FILIP1L: variants seen among roughly 807,000 people sequenced by gnomAD.
The protein encoded by FILIP1L is filamin A-interacting protein 1-like.
A neutral mutation model predicts 96.6 loss-of-function variants in FILIP1L; 55 were observed. The ratio of observed to expected loss-of-function variants is 0.57; its 90% CI spans 0.46 to 0.71. The LOEUF is 0.71. Ranked by LOEUF, FILIP1L falls within the 30% of genes least tolerant of loss-of-function variation. The pLI, the probability that FILIP1L is intolerant of heterozygous loss-of-function variation, is 0.00. For missense variants in FILIP1L, 1,304 were observed against 1,321.2 expected, an observed-to-expected ratio of 0.99 and a Z score of 0.20; for synonymous variants, 467 against 473.9, an observed-to-expected ratio of 0.99 and a Z score of 0.19.
chr3:100,037,274 G>A (rs2065123593), intron 1 of FILIP1L, among the ~76,000 whole-genome samples: 1 of 152,178 alleles, frequency 6.6e-6, no homozygotes, highest in Admixed American at 6.5e-5. Context: ...AACTTACTCA[G>A]ATGGTTTAGA....
At chr3:100,068,784 T>C (rs1187611087) in intron 1 of FILIP1L, among the ~76,000 whole-genome samples, 1 of 152,170 alleles carries the variant, frequency 6.6e-6, no homozygotes, top group Non-Finnish European at 1.5e-5. Context: ...CCCACCACCA[T>C]GCCCAGCTAA....
intron 1 of FILIP1L, among the ~76,000 whole-genome samples, chr3:99,985,075 A>G (rs1709291628): frequency 6.6e-6 from 1 of 152,234 alleles, no homozygotes; most frequent in African/African-American, 2.4e-5. Flanking sequence ...GAAGTTGCAT[A>G]TTCTGCTTAT....
intron 1 of FILIP1L, among the ~76,000 whole-genome samples, chr3:99,996,816 A>C (rs896490917): frequency 1.3e-5 from 2 of 152,050 alleles, no homozygotes; most frequent in East Asian, 1.9e-4. Flanking sequence ...ATTATCTCCC[A>C]CCGAGTCCCT....
Position 99,924,300 on chromosome 3 carries a change from T to G in FILIP1L, c.535A>C (p.Lys179Gln), listed in dbSNP as rs1707218416. 1.2e-6 allele frequency: 2 copies of G among 1,614,102 alleles called. No individual in the cohort carries two copies. The highest frequency in any genetic ancestry group is 1.7e-6 in the Non-Finnish European group (2 of 1,179,984). Residue 179 changes from lysine to glutamine, a missense_variant, in exon 4 of 6, where the codon AAG (lysine) becomes CAG (glutamine). Transcript: ENST00000477258. ...RQTILELEEE[K>Q]RKHKEYMEKS... ...TCCATGTATTCTTTATGTTTTCTCT[T>G]TTCTTCCTCCAACTCCAATATGGTT...
intron 1 of FILIP1L, among the ~76,000 whole-genome samples, chr3:99,986,332 C>T (rs2107114196): frequency 6.6e-6 from 1 of 152,230 alleles, no homozygotes; most frequent in South Asian, 2.1e-4. Flanking sequence ...ACTCCATTGC[C>T]ATAAAGACAT....
intron 3 of FILIP1L, among the ~76,000 whole-genome samples, chr3:99,926,935 G>C (rs1707310689): frequency 6.6e-6 from 1 of 152,140 alleles, no homozygotes; most frequent in South Asian, 2.1e-4. Flanking sequence ...CCTCCTTGCA[G>C]TCTGTCCTCA....
chr3:99,864,038 T>G (rs1283765665), intron 4 of FILIP1L, among the ~76,000 whole-genome samples: 1 of 152,218 alleles, frequency 6.6e-6, no homozygotes, highest in Non-Finnish European at 1.5e-5. Flanking sequence ...GCTAAAGAAA[T>G]TAAACTTTGT....
intron 1 of FILIP1L, among the ~76,000 whole-genome samples, chr3:100,085,692 C>T (rs1215992345): frequency 2.0e-5 from 3 of 152,158 alleles, no homozygotes; most frequent in Non-Finnish European, 4.4e-5. Flanking sequence ...TTCTGAAGTA[C>T]TCTTCAGCCA....
At chr3:100,037,201 G>A (rs2065122323) in intron 1 of FILIP1L, among the ~76,000 whole-genome samples, 1 of 151,884 alleles carries the variant, frequency 6.6e-6, no homozygotes, top group Admixed American at 6.5e-5. Context: ...TGGAGTAAGT[G>A]AATTTCTTTA....
At chr3:99,910,980 T>C (rs555150114) in intron 4 of FILIP1L, among the ~76,000 whole-genome samples, 4 of 152,158 alleles carry the variant, frequency 2.6e-5, no homozygotes, top group Non-Finnish European at 5.9e-5. Flanking sequence ...AGGTTACAGT[T>C]GAAATAAATA....
chr3:100,043,534 C>T lies in FILIP1L; in HGVS notation c.-11+70519G>A, dbSNP rs139741780. On this transcript the variant is annotated intron_variant, in intron 1 of 5. Transcript: ENST00000477258. ...ATTTGCTGTGGGAGACAGGCTCCAC[C>T]CCATCCTACCATACTCCCAGACTTT... 7.0e-3 allele frequency among the ~76,000 whole-genome samples: 1,068 copies of T among 152,236 alleles called. 17 individuals are homozygous for T. Among genetic ancestry groups the T allele is most frequent in the African/African-American group, 0.025 (1,031 of 41,534 alleles).
chr3:100,111,342 T>G (rs913193280), intron 1 of FILIP1L, among the ~76,000 whole-genome samples: 2 of 152,172 alleles, frequency 1.3e-5, no homozygotes, highest in African/African-American at 4.8e-5. Flanking sequence ...GAACTTTATT[T>G]AAGAGATTAC....
Position 99,833,233 on chromosome 3 carries a change from G to A in FILIP1L, c.3382-2628C>T, listed in dbSNP as rs377049900. On this transcript the variant is annotated intron_variant, in intron 5 of 5. Coordinates refer to ENST00000477258, the MANE Select transcript of FILIP1L (RefSeq NM_001387850.1). ...GCCTTAAAAGTCTGAAGGATGTTGA[G>A]TTCAATGAGGCAGAAGAAGTGGTTC... 2.4e-4 allele frequency: 389 copies of A among 1,611,784 alleles called. No individual in the cohort carries two copies. The highest frequency in any genetic ancestry group is 3.2e-4 in the Non-Finnish European group (373 of 1,178,264).
At chr3:99,956,752 T>C (rs2107695980) in intron 1 of FILIP1L, among the ~76,000 whole-genome samples, 1 of 152,330 alleles carries the variant, frequency 6.6e-6, no homozygotes, top group African/African-American at 2.4e-5. Flanking sequence ...TTGGTTCTTT[T>C]TCCACAACTT....
At chr3:99,929,366 A>T (rs1576579886) in intron 3 of FILIP1L, among the ~76,000 whole-genome samples, 1 of 152,308 alleles carries the variant, frequency 6.6e-6, no homozygotes, top group South Asian at 2.1e-4. Flanking sequence ...TGTTTTTAAA[A>T]ACTCTATTTC....
At chr3:99,999,577 T>C (rs1709783924) in intron 1 of FILIP1L, among the ~76,000 whole-genome samples, 1 of 152,232 alleles carries the variant, frequency 6.6e-6, no homozygotes, top group Non-Finnish European at 1.5e-5. Flanking sequence ...GAACTTCTCC[T>C]TGTGGTTCAG....
intron 1 of FILIP1L, among the ~76,000 whole-genome samples, chr3:99,940,498 TA>T: frequency 6.6e-6 from 1 of 152,332 alleles, no homozygotes; most frequent in South Asian, 2.1e-4. Context: ...CCTTACACTG[TA>T]ACCAAATCCC....
At chr3:100,046,664 CT>C (rs1247235237) in intron 1 of FILIP1L, among the ~76,000 whole-genome samples, 91 of 152,312 alleles carry the variant, frequency 6.0e-4, no homozygotes, top group African/African-American at 2.0e-3. Flanking sequence ...CAACCAACCA[CT>C]TGGCCATCTC....
Position 99,929,782 on chromosome 3 carries a change from G to A in FILIP1L, c.426+74C>T, listed in dbSNP as rs1429486684. ...TAAAACTGTAAGGAATCAAAGAGGA[G>A]TTACAGATCATGCTCATCTGCAGGG... On this transcript the variant is annotated intron_variant, in intron 3 of 5. Coordinates refer to ENST00000477258, the MANE Select transcript of FILIP1L (RefSeq NM_001387850.1). 4 of 1,104,830 alleles carry A rather than the reference G, an allele frequency of 3.6e-6. No individual in the cohort carries two copies. The Admixed American group carries it at 7.6e-5, about 21-fold the overall frequency. 68.4% of individuals were successfully genotyped at this position (1,104,830 alleles called of 1,614,324 possible). A position where few individuals can be genotyped will look rare whatever the true frequency, so the allele number is the denominator to read the frequency against.
Sources: gnomAD v4.1 joint callset for allele counts (sites outside exome capture counted in the v4.1 genomes callset) on GRCh38, gnomAD v4.1.1 for gene constraint, MANE v1.5 for transcripts, NCBI Gene and HGNC (gene_info 2026-07-23, HGNC 2026-07-21) for gene names.